GSDME: variants seen among roughly 807,000 people sequenced by gnomAD.
GSDME encodes gasdermin E.
In GSDME, 44 loss-of-function variants were observed where a neutral mutation model predicts 47.5. That is an observed-to-expected ratio of 0.93 (90% CI 0.73 to 1.19). The LOEUF (loss-of-function observed/expected upper bound fraction) is 1.19. GSDME is among the 50% of genes most tolerant of loss of function. The pLI is 0.00. For synonymous variants in GSDME, 258 were observed against 252.8 expected (o/e 1.02, Z -0.20); for missense variants, 663 against 604.2 (o/e 1.10, Z -1.02).
the GSDME span, among the ~76,000 whole-genome samples, chr7:24,772,977 T>C: frequency 6.6e-6 from 1 of 152,146 alleles, no homozygotes; most frequent in African/African-American, 2.4e-5. The surrounding 1 kb of genome is among the most constrained non-coding windows in gnomAD (Gnocchi z 4.5). Flanking sequence ...ACCTATGGGG[T>C]TGGGGTGAGG....
chr7:24,748,771 C>T (rs973630248), intron 2 of GSDME, among the ~76,000 whole-genome samples: 1 of 152,110 alleles, frequency 6.6e-6, no homozygotes, highest in Non-Finnish European at 1.5e-5. Flanking sequence ...AAGCCCATCC[C>T]CCATGCAGGG....
Position 24,721,582 on chromosome 7 carries a change from G to A in GSDME, c.405-2364C>T, listed in dbSNP as rs1046702062. On this transcript the variant is annotated intron_variant, in intron 3 of 9. Transcript: ENST00000645220. The surrounding 1 kb of genome is among the most constrained non-coding windows in gnomAD (Gnocchi z 4.1). ...TCAGGGTTTAGATGACATGCATGCA[G>A]TGAGCCATTAGGGTGTGCCGAGCAC... 1.4e-4 allele frequency among the ~76,000 whole-genome samples: 22 copies of A among 152,206 alleles called. No individual in the cohort carries two copies. Among genetic ancestry groups the A allele is most frequent in the African/African-American group, 4.8e-4 (20 of 41,448 alleles).
chr7:24,774,859 G>A, the GSDME span, among the ~76,000 whole-genome samples: 1 of 152,140 alleles, frequency 6.6e-6, no homozygotes, highest in Non-Finnish European at 1.5e-5. Flanking sequence ...TAGAGCTGAT[G>A]CAGATGTGAA....
the GSDME span, among the ~76,000 whole-genome samples, chr7:24,792,868 A>C: frequency 6.6e-6 from 1 of 152,126 alleles, no homozygotes. Flanking sequence ...AGAAATTCTA[A>C]GGGTAGTACA....
Position 24,698,562 on chromosome 7 carries a change from T to A in GSDME, c.*464A>T. On this transcript the variant is annotated 3_prime_UTR_variant, in exon 10 of 10. Coordinates refer to ENST00000645220, the MANE Select transcript of GSDME (RefSeq NM_001127453.2). ...AATATACTCTAGGAGCATTTACAGT[T>A]CATTTTCAGTCATCAAATAACATAC... 1 of 242,670 alleles carries A rather than the reference T, an allele frequency of 4.1e-6. No homozygotes were observed. The highest frequency in any genetic ancestry group is 5.8e-5 in the South Asian group (1 of 17,292). 15.0% of individuals were successfully genotyped at this position (242,670 alleles called of 1,614,324 possible). A position where few individuals can be genotyped will look rare whatever the true frequency, so the allele number is the denominator to read the frequency against.
chr7:24,756,203 C>G lies in GSDME; in HGVS notation c.-20+1193G>C, dbSNP rs1791011057. Among the ~76,000 whole-genome samples, 1 of 152,166 alleles carries G rather than the reference C, an allele frequency of 6.6e-6. No homozygotes were observed. Among genetic ancestry groups the G allele is most frequent in the Admixed American group, 6.5e-5 (1 of 15,278 alleles). On this transcript the variant is annotated intron_variant, in intron 1 of 9. Transcript: ENST00000645220. This position sits in a 1 kb window ranked among gnomAD's most constrained non-coding sequence, Gnocchi z 4.2. The stretch of plus-strand genomic sequence containing the variant: ...AGTGGAGTGGGTAACAGAGGGCAGT[C>G]TGGGTAAGAATAGAGAAGATGCGGT...
chr7:24,792,709 G>C, the GSDME span, among the ~76,000 whole-genome samples: 3 of 152,068 alleles, frequency 2.0e-5, no homozygotes, highest in Non-Finnish European at 4.4e-5. Context: ...TTCTTGACTC[G>C]GGTGTGATGA....
intron 9 of GSDME, among the ~76,000 whole-genome samples, chr7:24,700,670 A>G (rs552566750): frequency 9.8e-4 from 149 of 152,316 alleles, no homozygotes; most frequent in Admixed American, 4.4e-3. Context: ...AGATTCGCCA[A>G]ATACAACTCA....
chr7:24,730,598 C>A (rs921899889), intron 3 of GSDME, among the ~76,000 whole-genome samples: 7 of 152,138 alleles, frequency 4.6e-5, no homozygotes, highest in South Asian at 2.1e-4. Context: ...GGGCAGATCA[C>A]AAGGTCAGGA....
Position 24,698,904 on chromosome 7 carries a change from A to T in GSDME, c.*122T>A. On this transcript the variant is annotated 3_prime_UTR_variant, in exon 10 of 10. Transcript: ENST00000645220. Reference sequence around the variant, plus strand: ...CAGGTCATTCATCATGCAAAATGTCACCACTTCTTAAACTGTTCTGTAAAT... The same window carrying T: ...CAGGTCATTCATCATGCAAAATGTCTCCACTTCTTAAACTGTTCTGTAAAT... 1 of 784,288 alleles carries T rather than the reference A, an allele frequency of 1.3e-6. No homozygotes were observed. The highest frequency in any genetic ancestry group is 2.2e-6 in the Non-Finnish European group (1 of 453,768). 48.6% of individuals were successfully genotyped at this position (784,288 alleles called of 1,614,324 possible). A position where few individuals can be genotyped will look rare whatever the true frequency, so the allele number is the denominator to read the frequency against.
rs1463370116 is a variant in GSDME at position 24,726,039 on chromosome 7, C to T, written c.405-6821G>A. On this transcript the variant is annotated intron_variant, in intron 3 of 9. Coordinates refer to ENST00000645220, the MANE Select transcript of GSDME (RefSeq NM_001127453.2). This position sits in a 1 kb window ranked among gnomAD's most constrained non-coding sequence, Gnocchi z 5.6. ...GCAGGAGCTGCTGGGAGGCGGCAGG[C>T]AGAGATGGAGGGAGGGAAGCGTGGC... is the stretch of plus-strand genomic sequence containing the variant. Among the ~76,000 whole-genome samples the T allele has an allele frequency of 6.6e-6, 1 of 152,044 alleles. No individual in the cohort carries two copies. The highest frequency in any genetic ancestry group is 2.1e-4 in the South Asian group (1 of 4,810).
the GSDME span, among the ~76,000 whole-genome samples, chr7:24,770,194 C>T: frequency 2.6e-5 from 4 of 152,222 alleles, no homozygotes; most frequent in Admixed American, 2.0e-4. The surrounding 1 kb of genome is among the most constrained non-coding windows in gnomAD (Gnocchi z 4.6). Context: ...ACCATGCCTA[C>T]ATCATGGAAC....
At chr7:24,750,642 G>GC (rs1003372973) in intron 1 of GSDME, among the ~76,000 whole-genome samples, 1 of 152,112 alleles carries the variant, frequency 6.6e-6, no homozygotes, top group African/African-American at 2.4e-5. Flanking sequence ...AATATTTGTT[G>GC]AACAACAACC....
At chr7:24,718,884 A>G (rs1377873253) in intron 4 of GSDME, among the ~76,000 whole-genome samples, 163 bp downstream of exon 4, 1 of 152,240 alleles carries the variant, frequency 6.6e-6, no homozygotes, top group Non-Finnish European at 1.5e-5. Context: ...TTTCAGCTAC[A>G]TGAGCCAATA....
intron 9 of GSDME, 126 bp from the exon 10 acceptor site, chr7:24,699,385 C>T: frequency 2.8e-6 from 2 of 722,950 alleles, no homozygotes; most frequent in South Asian, 1.5e-5. Flanking sequence ...CTCTGTCGTC[C>T]AGGCTGGAGT....
chr7:24,728,014 G>C lies in GSDME; in HGVS notation c.405-8796C>G, dbSNP rs998547671. 1.3e-5 allele frequency among the ~76,000 whole-genome samples: 2 copies of C among 152,174 alleles called. No homozygotes were observed. Among genetic ancestry groups the C allele is most frequent in the East Asian group, 1.9e-4 (1 of 5,190 alleles). On this transcript the variant is annotated intron_variant, in intron 3 of 9. Transcript: ENST00000645220. This position sits in a 1 kb window ranked among gnomAD's most constrained non-coding sequence, Gnocchi z 7.2. ...GTCCCCAGCACTGTTCGGGAGCTAG[G>C]GGGGCTGTAACGGGAGGAAGAGACA...
At chr7:24,763,354 A>G in the GSDME span, among the ~76,000 whole-genome samples, 3 of 151,558 alleles carry the variant, frequency 2.0e-5, no homozygotes, top group African/African-American at 4.9e-5. This position sits in a 1 kb window ranked among gnomAD's most constrained non-coding sequence, Gnocchi z 4.3. Flanking sequence ...GAATATCCCA[A>G]TTGCCCGCAT....
chr7:24,703,245 A>AGTT, intron 8 of GSDME: 1 of 334,890 alleles, frequency 3.0e-6, no homozygotes, highest in South Asian at 2.5e-5. Context: ...CATTTACCAT[A>AGTT]GTTGTTTTGT....
At chr7:24,731,699 G>T (rs1390600444) in intron 3 of GSDME, among the ~76,000 whole-genome samples, 2 of 152,144 alleles carry the variant, frequency 1.3e-5, no homozygotes, top group Non-Finnish European at 2.9e-5. Flanking sequence ...TACTATACCT[G>T]CCCTGTTTAT....
Sources: allele counts gnomAD v4.1 joint callset (sites outside exome capture counted in the v4.1 genomes callset), GRCh38; gene constraint gnomAD v4.1.1; non-coding constraint Gnocchi (gnomAD v3.1); transcripts MANE v1.5; gene names NCBI Gene and HGNC (gene_info 2026-07-23, HGNC 2026-07-21).